Variants in SHB observed in about 807,000 individuals in gnomAD.
The protein encoded by SHB is SH2 domain containing adaptor protein B, also known as SH2 domain-containing adapter protein B.
A neutral mutation model predicts 52.3 loss-of-function variants in SHB; 20 were observed. The ratio of observed to expected loss-of-function variants is 0.38; its 90% CI spans 0.27 to 0.56. SHB has a LOEUF of 0.56. Among genes scored for constraint, SHB ranks in the 20% least tolerant of loss-of-function variants. SHB has a pLI of 0.71. For synonymous variants in SHB, 397 were observed against 316.5 expected (o/e 1.25, Z -2.70); for missense variants, 825 against 723.3 (o/e 1.14, Z -1.61).
intron 2 of SHB, among the ~76,000 whole-genome samples, chr9:37,982,642 A>G (rs1484802300): frequency 4.6e-5 from 7 of 150,542 alleles, no homozygotes; most frequent in African/African-American, 7.4e-5. Flanking sequence ...AACAGAAGAA[A>G]AAAAAAATTA....
intron 1 of SHB, among the ~76,000 whole-genome samples, chr9:38,038,917 G>A (rs770249594): frequency 6.6e-6 from 1 of 152,192 alleles, no homozygotes; most frequent in Non-Finnish European, 1.5e-5. Context: ...GAGAACAAAG[G>A]CAGGAATGGA....
intron 5 of SHB, among the ~76,000 whole-genome samples, chr9:37,936,264 T>C (rs911429512): frequency 6.6e-6 from 1 of 152,118 alleles, no homozygotes; most frequent in Non-Finnish European, 1.5e-5. Flanking sequence ...AGAGATTCAC[T>C]GTGGAAAATC....
rs560580890 is a variant in SHB at position 37,993,757 on chromosome 9, G to T, written c.839-18920C>A. 7.9e-5 allele frequency among the ~76,000 whole-genome samples: 12 copies of T among 152,180 alleles called. No homozygotes were observed. In the East Asian group the frequency reaches 2.3e-3, roughly 29 times the overall value. ...CACCGTTGAGAAATACGGAATTTTTGATATAAGCCTGAGCTTACAGTCTCA... is the reference window on the plus strand; with the variant it reads ...CACCGTTGAGAAATACGGAATTTTTTATATAAGCCTGAGCTTACAGTCTCA... On this transcript the variant is annotated intron_variant, in intron 2 of 5. Transcript: ENST00000377707.
At chr9:38,033,844 T>C (rs1407409298) in intron 1 of SHB, among the ~76,000 whole-genome samples, 1 of 146,642 alleles carries the variant, frequency 6.8e-6, no homozygotes, top group Admixed American at 6.7e-5. Context: ...AAAAAACTGC[T>C]GTAAAATCCT....
chr9:37,921,030 G>T (rs2118451280), intron 5 of SHB, among the ~76,000 whole-genome samples: 1 of 152,256 alleles, frequency 6.6e-6, no homozygotes, highest in Middle Eastern at 3.4e-3. Flanking sequence ...GCTCTCACCA[G>T]GGCTGCAGCC....
At chr9:37,941,247 C>T (rs1407526762) in intron 5 of SHB, among the ~76,000 whole-genome samples, 2 of 152,222 alleles carry the variant, frequency 1.3e-5, no homozygotes, top group African/African-American at 4.8e-5. Context: ...CCGTGGCTCT[C>T]TGAGGTCCAT....
chr9:37,972,442 G>A (rs1481871075), intron 3 of SHB, among the ~76,000 whole-genome samples: 1 of 152,332 alleles, frequency 6.6e-6, no homozygotes, highest in South Asian at 2.1e-4. Context: ...TCTCGGCCAG[G>A]GGCTGGGGCT....
In SHB at chr9:38,038,780, C is replaced by G. The variant is rs551692878; in HGVS notation, c.718-22649G>C. Reference sequence around the variant, plus strand: ...TGAGCTGCCTGGGCATCTAGGAGGCCCCGGGGGTGGGGCAGGGAGAAACTG... The same window carrying G: ...TGAGCTGCCTGGGCATCTAGGAGGCGCCGGGGGTGGGGCAGGGAGAAACTG... On this transcript the variant is annotated intron_variant, in intron 1 of 5. Coordinates refer to ENST00000377707, the MANE Select transcript of SHB (RefSeq NM_003028.3). Among the ~76,000 whole-genome samples, 10 of 152,202 alleles carry G rather than the reference C, an allele frequency of 6.6e-5. No homozygotes were observed. The East Asian group carries it at 1.9e-3, about 29-fold the overall frequency.
chr9:37,945,136 G>C (rs901905909), intron 5 of SHB, among the ~76,000 whole-genome samples: 1 of 152,178 alleles, frequency 6.6e-6, no homozygotes, highest in African/African-American at 2.4e-5. Flanking sequence ...CTCAGGGCAG[G>C]ACAAACTCAC....
chr9:37,998,169 C>CGATTCCAAGGCACCA (rs2118032729), intron 2 of SHB, among the ~76,000 whole-genome samples: 1 of 150,438 alleles, frequency 6.6e-6, no homozygotes, highest in African/African-American at 2.4e-5. Context: ...CTCTGAGTTA[C>CGATTCCAAGGCACCA]GATTCCAAGG....
rs943925797 is a variant in SHB, at chr9:37,918,808, G to A, written c.*1013C>T. 6.6e-6 allele frequency among the ~76,000 whole-genome samples: 1 copy of A among 152,210 alleles called. No homozygotes were observed. Among genetic ancestry groups the A allele is most frequent in the Non-Finnish European group, 1.5e-5 (1 of 68,040 alleles). ...TGCTGTGTCCAGGGGTTGGGGGGGT[G>A]TCAACACAGACGTCCCACTGCAGGA... On this transcript the variant is annotated 3_prime_UTR_variant, in exon 6 of 6. Coordinates refer to ENST00000377707, the MANE Select transcript of SHB (RefSeq NM_003028.3).
intron 3 of SHB, among the ~76,000 whole-genome samples, chr9:37,963,171 C>T (rs1278964428): frequency 6.6e-6 from 1 of 152,120 alleles, no homozygotes; most frequent in East Asian, 1.9e-4. Context: ...GGCAGTGGCC[C>T]CCGGGGATAG....
Position 37,918,341 on chromosome 9 carries a change from T to C in SHB, c.*1480A>G, listed in dbSNP as rs1017023096. On this transcript the variant is annotated 3_prime_UTR_variant, in exon 6 of 6. Coordinates refer to ENST00000377707, the MANE Select transcript of SHB (RefSeq NM_003028.3). The stretch of plus-strand genomic sequence containing the variant: ...TGGCCTGTGTGGGAGGACCCTGCTA[T>C]GGCAAGCAAGAGAGAGGTCGCGTGT... Among the ~76,000 whole-genome samples the C allele has an allele frequency of 1.3e-5, 2 of 152,020 alleles. No homozygotes were observed. The highest frequency in any genetic ancestry group is 2.4e-5 in the African/African-American group (1 of 41,358).
At chr9:37,982,466 C>T (rs761920026) in intron 2 of SHB, among the ~76,000 whole-genome samples, 3 of 151,858 alleles carry the variant, frequency 2.0e-5, no homozygotes, top group Admixed American at 1.3e-4. Context: ...TTACTCCAGC[C>T]GGGGCAAAAG....
intron 2 of SHB, among the ~76,000 whole-genome samples, chr9:37,989,332 C>T (rs958349931): frequency 2.0e-5 from 3 of 152,256 alleles, no homozygotes; most frequent in East Asian, 1.9e-4. Flanking sequence ...CCCCAAAGAA[C>T]GAGGCATGCA....
intron 5 of SHB, among the ~76,000 whole-genome samples, chr9:37,921,074 C>T (rs1393540092): frequency 1.3e-5 from 2 of 152,194 alleles, no homozygotes; most frequent in Non-Finnish European, 2.9e-5. Context: ...CCAGCCTGTC[C>T]TCTGCCTGCC....
intron 2 of SHB, among the ~76,000 whole-genome samples, chr9:38,009,354 C>G (rs1821108799): frequency 6.6e-6 from 1 of 152,246 alleles, no homozygotes; most frequent in African/African-American, 2.4e-5. Context: ...ACAAGGGCAG[C>G]TGGAGAAGCC....
At chr9:38,052,298 G>A (rs747807138) in intron 1 of SHB, among the ~76,000 whole-genome samples, 3 of 152,030 alleles carry the variant, frequency 2.0e-5, no homozygotes, top group Non-Finnish European at 2.9e-5. Flanking sequence ...GCAGAAACAA[G>A]CAGTCTGACT....
At chr9:37,992,237 C>T (rs1032537219) in intron 2 of SHB, among the ~76,000 whole-genome samples, 2 of 151,936 alleles carry the variant, frequency 1.3e-5, no homozygotes, top group Non-Finnish European at 2.9e-5. Context: ...CCCGTCTCTA[C>T]TAAAAATACA....
Sources: gnomAD v4.1 joint callset for allele counts (sites outside exome capture counted in the v4.1 genomes callset) on GRCh38, gnomAD v4.1.1 for gene constraint, MANE v1.5 for transcripts, NCBI Gene and HGNC (gene_info 2026-07-23, HGNC 2026-07-21) for gene names.